The following MFAP3L variants were observed in gnomAD, a reference collection of about 807,000 sequenced individuals.
The protein encoded by MFAP3L is microfibrillar-associated protein 3-like.
Under a neutral mutation model 20.0 loss-of-function variants are expected in MFAP3L, and 5 were observed. The ratio of observed to expected loss-of-function variants is 0.25; its 90% CI spans 0.13 to 0.53. The LOEUF is 0.53. Among genes scored for constraint, MFAP3L ranks in the 20% least tolerant of loss-of-function variants. The pLI, the probability that MFAP3L is intolerant of heterozygous loss-of-function variation, is 0.96. For synonymous variants in MFAP3L, 219 were observed against 213.0 expected (o/e 1.03, Z -0.25); for missense variants, 409 against 527.5 (o/e 0.78, Z 2.20).
rs188150392 is a variant in MFAP3L at position 169,991,870 on chromosome 4, G to A, written c.738C>T (p.Leu246=). Residue 246 remains leucine, a synonymous_variant, in exon 3 of 3, where the codon CTC becomes CTT. Coordinates refer to ENST00000361618, the MANE Select transcript of MFAP3L (RefSeq NM_021647.8). This position sits in a 1 kb window ranked among gnomAD's most constrained non-coding sequence, Gnocchi z 4.9. Reference sequence around the variant, plus strand: ...CCATGATAGTCCTGCAGTTCATAATGAGAGGCGGCAGAGGCACGCTCCTGG... The same window carrying A: ...CCATGATAGTCCTGCAGTTCATAATAAGAGGCGGCAGAGGCACGCTCCTGG... ...ELARSVPLPP[L]IMNCRTIMEE... is the part of the protein sequence containing the mutation. 6.4e-5 allele frequency: 103 copies of A among 1,614,188 alleles called. 1 individual carries two copies. The East Asian group carries it at 2.3e-3, about 35-fold the overall frequency.
Position 170,005,708 on chromosome 4 carries a change from A to G in MFAP3L, c.170T>C (p.Ile57Thr). 1 of 1,614,176 alleles carries G rather than the reference A, an allele frequency of 6.2e-7. No homozygotes were observed. The highest frequency in any genetic ancestry group is 8.5e-7 in the Non-Finnish European group (1 of 1,180,030). ...PVIIARTDHIIVKEGNSALIN... is the reference protein window; with the variant it reads ...PVIIARTDHITVKEGNSALIN... ...CAAGGCACTGTTCCCTTCCTTGACTATGATATGGTCAGTTCTGGCAATGAT... is the reference window on the plus strand; with the variant it reads ...CAAGGCACTGTTCCCTTCCTTGACTGTGATATGGTCAGTTCTGGCAATGAT... Residue 57 changes from isoleucine to threonine, a missense_variant, in exon 2 of 3, where the codon ATA becomes ACA. Transcript: ENST00000361618.
chr4:170,013,276 C>A (rs1739496619), intron 1 of MFAP3L, among the ~76,000 whole-genome samples: 1 of 152,048 alleles, frequency 6.6e-6, no homozygotes, highest in Non-Finnish European at 1.5e-5. Flanking sequence ...TGATATCCTA[C>A]TAAACATAAA....
At chr4:169,995,047 G>C (rs1738036441) in intron 2 of MFAP3L, 2 of 152,234 alleles carry the variant, frequency 1.3e-5, no homozygotes, top group South Asian at 2.1e-4. Flanking sequence ...GTTTCCAATG[G>C]AAGACAAGGA....
chr4:169,993,787 C>T (rs2110922531), intron 2 of MFAP3L: 1 of 152,130 alleles, frequency 6.6e-6, no homozygotes, highest in Admixed American at 6.5e-5. Context: ...CCTGAGTAAC[C>T]CTTTTCTAAC....
chr4:169,988,773 G>C lies in MFAP3L; in HGVS notation c.*2605C>G, dbSNP rs1289787160. On this transcript the variant is annotated 3_prime_UTR_variant, in exon 3 of 3. Coordinates refer to ENST00000361618, the MANE Select transcript of MFAP3L (RefSeq NM_021647.8). ...TTATGTCAGTTGTTATCAAAACCGA[G>C]AGCATTATGATGCCTTAAAGAGGGA... 4 of 152,094 alleles carry C rather than the reference G, an allele frequency of 2.6e-5. No individual in the cohort carries two copies. The highest frequency in any genetic ancestry group is 9.7e-5 in the African/African-American group (4 of 41,404). The allele number at this position is 152,094 out of a possible 1,614,324, so 9.4% of individuals were successfully genotyped here.
chr4:170,021,275 A>G (rs546226246), intron 1 of MFAP3L, among the ~76,000 whole-genome samples: 2 of 152,242 alleles, frequency 1.3e-5, no homozygotes, highest in South Asian at 4.1e-4. Context: ...CCCTGCCCAC[A>G]GATAGAGTAC....
intron 1 of MFAP3L, among the ~76,000 whole-genome samples, chr4:170,019,224 A>G (rs1345601064): frequency 6.6e-6 from 1 of 152,192 alleles, no homozygotes; most frequent in Non-Finnish European, 1.5e-5. Flanking sequence ...ACAAATATAG[A>G]GCCCTTGCTA....
intron 1 of MFAP3L, among the ~76,000 whole-genome samples, chr4:170,014,548 G>A (rs750050297): frequency 5.3e-5 from 8 of 152,190 alleles, no homozygotes; most frequent in Non-Finnish European, 7.3e-5. Flanking sequence ...GGCTGTGCGC[G>A]CTCTGCCTGG....
At chr4:170,025,284 A>G (rs1211485285) in intron 1 of MFAP3L, among the ~76,000 whole-genome samples, 1 of 152,234 alleles carries the variant, frequency 6.6e-6, no homozygotes, top group African/African-American at 2.4e-5. Context: ...ACTGAAAAAA[A>G]TGTGTTTCAT....
chr4:170,015,091 G>C (rs1739615099), intron 1 of MFAP3L, among the ~76,000 whole-genome samples: 1 of 152,192 alleles, frequency 6.6e-6, no homozygotes, highest in African/African-American at 2.4e-5. Context: ...GATAAGAGAT[G>C]GGTTGGGCTC....
intron 1 of MFAP3L, among the ~76,000 whole-genome samples, chr4:170,025,526 G>A (rs1192376972): frequency 6.6e-6 from 1 of 152,114 alleles, no homozygotes; most frequent in Non-Finnish European, 1.5e-5. Flanking sequence ...GCTTTATAAA[G>A]CTTGCAAGTT....
chr4:170,025,806 G>A lies in MFAP3L; in HGVS notation c.-134+428C>T, dbSNP rs191417025. Among the ~76,000 whole-genome samples, 10 of 152,276 alleles carry A rather than the reference G, an allele frequency of 6.6e-5. No individual in the cohort carries two copies. The East Asian group carries it at 1.7e-3, about 27-fold the overall frequency. On this transcript the variant is annotated intron_variant, in intron 1 of 2. Coordinates refer to ENST00000361618, the MANE Select transcript of MFAP3L (RefSeq NM_021647.8). The stretch of plus-strand genomic sequence containing the variant: ...GGAACCCGCATTCACGTTCTCCGGA[G>A]CCCTGGCCAGCGCACGCTCCTCCCT...
At chr4:170,022,341 AG>A (rs1740087721) in intron 1 of MFAP3L, among the ~76,000 whole-genome samples, 1 of 152,174 alleles carries the variant, frequency 6.6e-6, no homozygotes, top group South Asian at 2.1e-4. Context: ...TTGTGTTTTT[AG>A]GAAGTAAATC....
chr4:170,011,649 C>T (rs996262155), intron 1 of MFAP3L, among the ~76,000 whole-genome samples: 6 of 152,090 alleles, frequency 3.9e-5, no homozygotes, highest in Non-Finnish European at 7.4e-5. Context: ...GAGGCCTTCC[C>T]CCTCTTGTCA....
intron 1 of MFAP3L, among the ~76,000 whole-genome samples, chr4:170,006,233 C>G (rs1560980949): frequency 6.6e-6 from 1 of 151,910 alleles, no homozygotes; most frequent in Non-Finnish European, 1.5e-5. Flanking sequence ...CTGCCTCAGC[C>G]TACCAAGTAG....
intron 1 of MFAP3L, among the ~76,000 whole-genome samples, chr4:170,012,647 G>T (rs1360102400): frequency 6.6e-6 from 1 of 152,148 alleles, no homozygotes; most frequent in Non-Finnish European, 1.5e-5. Context: ...CACAAATTAA[G>T]AGCTATACAG....
At chr4:170,019,830 C>T (rs1739917363) in intron 1 of MFAP3L, among the ~76,000 whole-genome samples, 1 of 152,164 alleles carries the variant, frequency 6.6e-6, no homozygotes, top group Non-Finnish European at 1.5e-5. Context: ...AGCAAGTTTT[C>T]CTCTTTCCTG....
chr4:170,023,025 T>A (rs1006212133), intron 1 of MFAP3L, among the ~76,000 whole-genome samples: 5 of 152,244 alleles, frequency 3.3e-5, no homozygotes, highest in Admixed American at 2.6e-4. Context: ...GGCATTATTC[T>A]GCCTATCCCA....
At chr4:170,005,381 C>T (rs1471275631) in intron 2 of MFAP3L, 199 bp downstream of exon 2, 2 of 642,230 alleles carry the variant, frequency 3.1e-6, no homozygotes, top group East Asian at 2.7e-5. Context: ...TGTCCTTTGT[C>T]TTCTGTGTCA....
Sources: allele counts gnomAD v4.1 joint callset (sites outside exome capture counted in the v4.1 genomes callset), GRCh38; gene constraint gnomAD v4.1.1; non-coding constraint Gnocchi (gnomAD v3.1); transcripts MANE v1.5; gene names NCBI Gene and HGNC (gene_info 2026-07-23, HGNC 2026-07-21).